SCN1A: variants seen among roughly 807,000 people sequenced by gnomAD.
SCN1A encodes sodium channel protein type 1 subunit alpha.
Under a neutral mutation model 193.7 loss-of-function variants are expected in SCN1A, and 13 were observed. The ratio of observed to expected loss-of-function variants is 0.07; its 90% confidence interval spans 0.04 to 0.11. The LOEUF (loss-of-function observed/expected upper bound fraction) is 0.11, where lower values mean the gene tolerates loss of function less well. SCN1A is among the 10% of genes least tolerant of loss of function. The pLI, the probability that SCN1A is intolerant of heterozygous loss-of-function variation, is 1.00. For synonymous variants in SCN1A, 781 were observed against 843.6 expected (o/e 0.93, Z 1.29); for missense variants, 1,432 against 2,451.1 (o/e 0.58, Z 8.78).
chr2:166,097,829 C>T (rs551916857), intron 2 of SCN1A, among the ~76,000 whole-genome samples: 2 of 152,326 alleles, frequency 1.3e-5, no homozygotes, highest in South Asian at 4.1e-4. Context: ...AATCCTTCCA[C>T]CTTGGTCTCC....
At chr2:166,109,858 A>C (rs1305162345) in intron 2 of SCN1A, among the ~76,000 whole-genome samples, 2 of 152,044 alleles carry the variant, frequency 1.3e-5, no homozygotes, top group Admixed American at 1.3e-4. Context: ...CAATAACCCT[A>C]CTATGTGGGT....
At chr2:166,094,163 A>T (rs548970410) in intron 2 of SCN1A, among the ~76,000 whole-genome samples, 15 of 152,346 alleles carry the variant, frequency 9.8e-5, no homozygotes, top group African/African-American at 3.6e-4. Flanking sequence ...TCTGATAAGA[A>T]AAAAAGAAAG....
chr2:166,043,551 A>C, intron 14 of SCN1A, 118 bp downstream of exon 14: 1 of 1,075,292 alleles, frequency 9.3e-7, no homozygotes, highest in Non-Finnish European at 1.3e-6. Flanking sequence ...TACAAGATGC[A>C]GGTGCATTCA....
intron 4 of SCN1A, among the ~76,000 whole-genome samples, chr2:166,070,866 T>G (rs926167420): frequency 3.9e-5 from 6 of 152,218 alleles, no homozygotes; most frequent in African/African-American, 1.4e-4. Flanking sequence ...ATTCATTTAT[T>G]ATTTTACAAA....
intron 4 of SCN1A, among the ~76,000 whole-genome samples, chr2:166,067,815 A>C (rs1684010179): frequency 6.7e-6 from 1 of 148,262 alleles, no homozygotes; most frequent in Non-Finnish European, 1.5e-5. Context: ...GAGCTGACCC[A>C]CCCCTTGGCA....
At chr2:166,023,734 A>G (rs1694364089) in intron 19 of SCN1A, among the ~76,000 whole-genome samples, 1 of 151,908 alleles carries the variant, frequency 6.6e-6, no homozygotes, top group Non-Finnish European at 1.5e-5. Context: ...TCTGGTCAAC[A>G]TAGTGAGATC....
At chr2:166,112,057 T>G (rs1689349392) in intron 2 of SCN1A, among the ~76,000 whole-genome samples, 1 of 152,156 alleles carries the variant, frequency 6.6e-6, no homozygotes, top group Admixed American at 6.6e-5. Flanking sequence ...TTACATAAAT[T>G]TATTTGATAA....
chr2:166,101,022 G>T (rs1688000354), intron 2 of SCN1A, among the ~76,000 whole-genome samples: 1 of 87,292 alleles, frequency 1.1e-5, no homozygotes, highest in Non-Finnish European at 2.2e-5. Flanking sequence ...TATACCCAAA[G>T]GACTATAAAT....
rs527580317 is a variant in SCN1A, at chr2:166,125,886, G to C, written c.-142+1038C>G. ...ACAGCACATTTCCCAGCAAGAGGGG[G>C]CATGTAAACCAAGTCTATTAGTATT... On this transcript the variant is annotated intron_variant, in intron 2 of 28. Coordinates refer to ENST00000674923, the MANE Select transcript of SCN1A (RefSeq NM_001165963.4). Among the ~76,000 whole-genome samples the C allele has an allele frequency of 2.6e-5, 4 of 152,292 alleles. No individual in the cohort carries two copies. The East Asian group carries it at 7.7e-4, about 29-fold the overall frequency.
intron 19 of SCN1A, among the ~76,000 whole-genome samples, chr2:166,023,118 T>G (rs1194052926): frequency 2.6e-5 from 4 of 152,248 alleles, no homozygotes; most frequent in African/African-American, 9.6e-5. Context: ...ACAATAAGTA[T>G]GCATATTGGT....
At chr2:166,091,481 T>C (rs1193214798) in intron 2 of SCN1A, among the ~76,000 whole-genome samples, 3 of 152,188 alleles carry the variant, frequency 2.0e-5, no homozygotes, top group Non-Finnish European at 4.4e-5. Context: ...GTATGCCTTA[T>C]TCAGTTTGAG....
At chr2:166,053,623 C>T (rs1467304986) in intron 7 of SCN1A, among the ~76,000 whole-genome samples, 1 of 151,968 alleles carries the variant, frequency 6.6e-6, no homozygotes, top group African/African-American at 2.4e-5. Flanking sequence ...TGTAGGCCTT[C>T]TTTTGAGCTG....
chr2:166,048,001 T>C, intron 10 of SCN1A, among the ~76,000 whole-genome samples: 1 of 152,166 alleles, frequency 6.6e-6, no homozygotes, highest in East Asian at 1.9e-4. Context: ...ATAATTTTTG[T>C]TGATAATTTG....
intron 28 of SCN1A, chr2:165,993,941 A>G (rs1309004584): frequency 6.8e-6 from 4 of 591,856 alleles, no homozygotes; most frequent in Non-Finnish European, 9.0e-6. Flanking sequence ...TACACTAAGT[A>G]TATTGTTCTA....
In SCN1A at chr2:165,988,231, C is replaced by T. The variant is rs1435771271; in HGVS notation, c.*3014G>A. On this transcript the variant is annotated 3_prime_UTR_variant, in exon 29 of 29. Transcript: ENST00000674923. ...TCCCCCAGTTACTGTTTTTCTTTAT[C>T]TGCAAAAGTTAGCAAGATTAAGACC... The T allele has an allele frequency of 6.6e-6, 1 of 152,034 alleles. No homozygotes were observed. The highest frequency in any genetic ancestry group is 1.5e-5 in the Non-Finnish European group (1 of 68,002). 9.4% of individuals were successfully genotyped at this position (152,034 alleles called of 1,614,324 possible).
chr2:166,147,140 A>T (rs753689180), intron 1 of SCN1A, among the ~76,000 whole-genome samples: 7 of 152,102 alleles, frequency 4.6e-5, no homozygotes, highest in Non-Finnish European at 8.8e-5. Flanking sequence ...ATGCATTCCT[A>T]GCAAGTTCCC....
rs11690962 is a variant in SCN1A, at chr2:166,047,552, G to T, written c.1170+75C>A. ...GCTCTTTCTACTATATTATCATCCG[G>T]TTTTAATTTCATAACTCAATTGGTT... On this transcript the variant is annotated intron_variant, in intron 11 of 28. Coordinates refer to ENST00000674923, the MANE Select transcript of SCN1A (RefSeq NM_001165963.4). 483,924 of 1,532,262 alleles carry T rather than the reference G, an allele frequency of 0.32. 79,617 individuals carry two copies. Among genetic ancestry groups the T allele is most frequent in the Non-Finnish European group, 0.34 (378,105 of 1,108,112 alleles). 94.9% of individuals were successfully genotyped at this position (1,532,262 alleles called of 1,614,324 possible). A position where few individuals can be genotyped will look rare whatever the true frequency, so the allele number is the denominator to read the frequency against.
intron 16 of SCN1A, 62 bp downstream of exon 16, chr2:166,041,169 G>A: frequency 1.7e-6 from 2 of 1,201,982 alleles, no homozygotes; most frequent in South Asian, 1.2e-5. Flanking sequence ...ACAATTAAAT[G>A]TAAACAGTTT....
intron 6 of SCN1A, among the ~76,000 whole-genome samples, chr2:166,055,859 A>G (rs1014221396): frequency 6.6e-6 from 1 of 151,896 alleles, no homozygotes; most frequent in African/African-American, 2.4e-5. Flanking sequence ...AAAAAGTTCC[A>G]CTTCTGTTAG....
Sources: allele counts gnomAD v4.1 joint callset (sites outside exome capture counted in the v4.1 genomes callset), GRCh38; gene constraint gnomAD v4.1.1; transcripts MANE v1.5; gene names NCBI Gene and HGNC (gene_info 2026-07-23, HGNC 2026-07-21).